Variants in ERC2 observed in about 807,000 individuals in gnomAD.
ERC2 encodes the protein ELKS/RAB6-interacting/CAST family member 2, also known as ERC protein 2.
A neutral mutation model predicts 114.8 loss-of-function variants in ERC2; 42 were observed. That is an observed-to-expected ratio of 0.37 (90% CI 0.29 to 0.47). The LOEUF (loss-of-function observed/expected upper bound fraction) is 0.47, where lower values mean the gene tolerates loss of function less well. Ranked by LOEUF, ERC2 falls within the 20% of genes least tolerant of loss-of-function variation. The pLI is 0.99. For missense variants in ERC2, 939 were observed against 1,150.7 expected, an observed-to-expected ratio of 0.82 and a Z score of 2.66; for synonymous variants, 454 against 425.5, an observed-to-expected ratio of 1.07 and a Z score of -0.82.
intron 14 of ERC2, among the ~76,000 whole-genome samples, chr3:55,811,290 C>T (rs940545396): frequency 2.0e-5 from 3 of 152,126 alleles, no homozygotes; most frequent in East Asian, 1.9e-4. Flanking sequence ...TAATCCCAAA[C>T]GCAACCTTGA....
chr3:56,290,317 A>G (rs548331209), intron 3 of ERC2, among the ~76,000 whole-genome samples: 6 of 152,220 alleles, frequency 3.9e-5, no homozygotes, highest in African/African-American at 1.4e-4. Context: ...TCATTACAAT[A>G]TTTATTGAGC....
chr3:55,852,554 A>G (rs769556422), intron 14 of ERC2: 5 of 151,634 alleles, frequency 3.3e-5, no homozygotes, highest in African/African-American at 1.3e-4. Flanking sequence ...TTAAAAAAAA[A>G]TTCCCTTGTA....
At chr3:56,175,775 C>T (rs891368719) in intron 3 of ERC2, among the ~76,000 whole-genome samples, 3 of 152,168 alleles carry the variant, frequency 2.0e-5, no homozygotes, top group African/African-American at 7.2e-5. Context: ...ATAAATGTAA[C>T]AACCTCAAGA....
Position 55,555,853 on chromosome 3 carries a change from C to T in ERC2, c.*40-44577G>A, listed in dbSNP as rs183750861. ...TGTGGAGTTGCTGAAATCCGCGCTG[C>T]TCGCTCAGAAAACGGGTCACCGAGG... On this transcript the variant is annotated intron_variant, in intron 17 of 17. Coordinates refer to ENST00000288221, the MANE Select transcript of ERC2 (RefSeq NM_015576.3). Among the ~76,000 whole-genome samples, 10 of 152,292 alleles carry T rather than the reference C, an allele frequency of 6.6e-5. No homozygotes were observed. In the East Asian group the frequency reaches 1.7e-3, roughly 27 times the overall value.
At chr3:56,114,511 G>C (rs1168610236) in intron 6 of ERC2, among the ~76,000 whole-genome samples, 1 of 152,126 alleles carries the variant, frequency 6.6e-6, no homozygotes, top group Non-Finnish European at 1.5e-5. Context: ...CAGTTTTTAA[G>C]GTTTCTCTGG....
intron 11 of ERC2, among the ~76,000 whole-genome samples, chr3:55,986,318 T>C (rs1445090882): frequency 6.6e-6 from 1 of 152,208 alleles, no homozygotes; most frequent in Non-Finnish European, 1.5e-5. Context: ...GAGGAATATT[T>C]ATAGAGAAAG....
At position 55,613,982 on chromosome 3, in the gene ERC2, CAAAAAAAAAAAA is replaced by C. The variant is rs60242810; in HGVS notation, c.*39+69800_*39+69811del. On this transcript the variant is annotated intron_variant, in intron 17 of 17. Coordinates refer to ENST00000288221, the MANE Select transcript of ERC2 (RefSeq NM_015576.3). The stretch of plus-strand genomic sequence containing the variant: ...TGGGAGACAGAGTGAGACTTCCTCT[CAAAAAAAAAAAA>C]AAAAAAAAAAAAAAAAAAAGAAGAC... Among the ~76,000 whole-genome samples, 3 of 62,278 alleles carry C rather than the reference CAAAAAAAAAAAA, an allele frequency of 4.8e-5. 1 individual carries two copies. The highest frequency in any genetic ancestry group is 2.1e-4 in the African/African-American group (3 of 14,526). The allele number at this position is 62,278 out of a possible 152,430, so 40.9% of individuals were successfully genotyped here. A position where few individuals can be genotyped will look rare whatever the true frequency, so the allele number is the denominator to read the frequency against.
At chr3:56,123,447 A>G (rs2079697493) in intron 6 of ERC2, among the ~76,000 whole-genome samples, 1 of 147,862 alleles carries the variant, frequency 6.8e-6, no homozygotes, top group Non-Finnish European at 1.5e-5. Context: ...AACTGTGAGG[A>G]AAAAAAAAAA....
At chr3:56,335,950 A>G (rs1270415640) in intron 2 of ERC2, among the ~76,000 whole-genome samples, 1 of 152,198 alleles carries the variant, frequency 6.6e-6, no homozygotes, top group African/African-American at 2.4e-5. Context: ...TCCACAAGTA[A>G]TAATAATAGC....
At chr3:55,782,106 G>C (rs1422756221) in intron 14 of ERC2, among the ~76,000 whole-genome samples, 3 of 152,070 alleles carry the variant, frequency 2.0e-5, no homozygotes, top group Non-Finnish European at 4.4e-5. Flanking sequence ...CCCACTGTGT[G>C]CTCTGAGACA....
chr3:55,793,620 ATTG>A (rs1389001379), intron 14 of ERC2, among the ~76,000 whole-genome samples: 1 of 152,246 alleles, frequency 6.6e-6, no homozygotes, highest in African/African-American at 2.4e-5. Context: ...AGCAGATTGC[ATTG>A]TTAATAAGAA....
chr3:55,613,274 A>G (rs922212008), intron 17 of ERC2, among the ~76,000 whole-genome samples: 8 of 152,178 alleles, frequency 5.3e-5, no homozygotes, highest in African/African-American at 1.7e-4. Flanking sequence ...CACTCATAGG[A>G]TTATATGCTA....
At chr3:56,404,619 C>T (rs531543153) in intron 2 of ERC2, among the ~76,000 whole-genome samples, 2 of 151,776 alleles carry the variant, frequency 1.3e-5, no homozygotes, top group Admixed American at 1.3e-4. Context: ...GAATGAATAC[C>T]CCATTTTACA....
intron 3 of ERC2, among the ~76,000 whole-genome samples, chr3:56,215,571 T>C (rs1476790701): frequency 6.6e-6 from 1 of 152,086 alleles, no homozygotes; most frequent in African/African-American, 2.4e-5. Flanking sequence ...ACTGTCAACA[T>C]TAGACAGATC....
chr3:55,540,584 T>A (rs1339826595), intron 17 of ERC2, among the ~76,000 whole-genome samples: 1 of 152,150 alleles, frequency 6.6e-6, no homozygotes, highest in Admixed American at 6.5e-5. Flanking sequence ...TGCCTTCTTG[T>A]CCGGGATCTT....
intron 14 of ERC2, among the ~76,000 whole-genome samples, chr3:55,741,251 A>G (rs1248513178): frequency 1.3e-5 from 2 of 152,204 alleles, no homozygotes; most frequent in Admixed American, 1.3e-4. Context: ...ACCTACCAAG[A>G]AAATCACATT....
At chr3:56,334,174 C>T (rs1329792145) in intron 2 of ERC2, among the ~76,000 whole-genome samples, 1 of 152,158 alleles carries the variant, frequency 6.6e-6, no homozygotes, top group East Asian at 1.9e-4. Flanking sequence ...CCCCCAAATC[C>T]CTTGGATGCC....
intron 14 of ERC2, among the ~76,000 whole-genome samples, chr3:55,779,532 C>T (rs2068875016): frequency 6.6e-6 from 1 of 151,420 alleles, no homozygotes; most frequent in Admixed American, 6.6e-5. Flanking sequence ...ATATAGACTG[C>T]TTCACAATTT....
At chr3:55,629,811 G>A (rs1037395603) in intron 17 of ERC2, among the ~76,000 whole-genome samples, 2 of 152,204 alleles carry the variant, frequency 1.3e-5, no homozygotes, top group Non-Finnish European at 2.9e-5. Context: ...TGACAGACAG[G>A]ACCTGGAGGG....
Sources: gnomAD v4.1 joint callset for allele counts (sites outside exome capture counted in the v4.1 genomes callset) on GRCh38, gnomAD v4.1.1 for gene constraint, MANE v1.5 for transcripts, NCBI Gene and HGNC (gene_info 2026-07-23, HGNC 2026-07-21) for gene names.